PRKCB: variants seen among roughly 807,000 people sequenced by gnomAD.
PRKCB encodes the protein protein kinase C beta, also known as protein kinase C beta type.
Under a neutral mutation model 81.5 loss-of-function variants are expected in PRKCB, and 13 were observed. The ratio of observed to expected loss-of-function variants is 0.16; its 90% CI spans 0.10 to 0.25. PRKCB has a LOEUF of 0.25. Ranked by LOEUF, PRKCB falls within the 10% of genes least tolerant of loss-of-function variation. The pLI is 1.00. For missense variants in PRKCB, 509 were observed against 875.7 expected, an observed-to-expected ratio of 0.58 and a Z score of 5.29; for synonymous variants, 335 against 321.4, an observed-to-expected ratio of 1.04 and a Z score of -0.45.
In PRKCB at chr16:24,035,523, G is replaced by C. The variant is rs1402100403; in HGVS notation, c.505G>C (p.Asp169His). The stretch of plus-strand genomic sequence containing the variant: ...CCGCATCTACATCCAGGCCCACATC[G>C]ACAGGGACGTCCTCATTGTCCTCGG... ...RGRIYIQAHI[D>H]RDVLIVLVRD... Residue 169 changes from aspartate (D) to histidine (H), a missense_variant, in exon 5 of 17, where the codon GAC (aspartate) becomes CAC (histidine). By Grantham distance (81) the Asp-to-His change is moderately conservative. Coordinates refer to ENST00000643927, the MANE Select transcript of PRKCB (RefSeq NM_002738.7). 1 of 1,613,594 alleles carries C rather than the reference G, an allele frequency of 6.2e-7. No individual in the cohort carries two copies. Among genetic ancestry groups the C allele is most frequent in the Non-Finnish European group, 8.5e-7 (1 of 1,179,882 alleles).
chr16:24,135,275 C>T (rs537209085), intron 9 of PRKCB, among the ~76,000 whole-genome samples: 5 of 149,050 alleles, frequency 3.4e-5, no homozygotes, highest in Admixed American at 1.3e-4. Context: ...CATGAGAGAG[C>T]ATTCCAGAGT....
chr16:24,140,970 T>C (rs1966893331), intron 9 of PRKCB, among the ~76,000 whole-genome samples: 2 of 152,208 alleles, frequency 1.3e-5, no homozygotes, highest in Admixed American at 1.3e-4. Flanking sequence ...AGTTTGGAAG[T>C]CAAAAGCAAG....
chr16:24,021,018 TTCTTTCTTTC>T (rs1965362308), intron 3 of PRKCB, among the ~76,000 whole-genome samples: 5 of 134,534 alleles, frequency 3.7e-5, no homozygotes, highest in Admixed American at 1.5e-4. Context: ...CTTTCTTTCT[TTCTTTCTTTC>T]TTTCTTTCTT....
intron 9 of PRKCB, among the ~76,000 whole-genome samples, chr16:24,134,366 C>T (rs181646223): frequency 1.3e-5 from 2 of 152,212 alleles, no homozygotes; most frequent in Admixed American, 1.3e-4. Flanking sequence ...GAGGCCAAGC[C>T]TGGAGGATTG....
chr16:23,985,316 C>T (rs566405855), intron 2 of PRKCB, among the ~76,000 whole-genome samples: 12 of 152,192 alleles, frequency 7.9e-5, no homozygotes, highest in South Asian at 4.2e-4. Flanking sequence ...AGGCTGGTCT[C>T]GAACTTCTGG....
intron 15 of PRKCB, among the ~76,000 whole-genome samples, chr16:24,188,140 A>G (rs1967733341): frequency 6.6e-6 from 1 of 152,152 alleles, no homozygotes; most frequent in Non-Finnish European, 1.5e-5. Flanking sequence ...TCCCTGGTAG[A>G]GCCGTTTTCT....
intron 2 of PRKCB, among the ~76,000 whole-genome samples, chr16:23,894,903 T>A (rs1963352913): frequency 2.0e-5 from 3 of 152,324 alleles, no homozygotes; most frequent in Admixed American, 2.0e-4. Context: ...TTTGACAAGT[T>A]TTTGCTATTT....
intron 2 of PRKCB, among the ~76,000 whole-genome samples, chr16:23,882,022 C>CTTTCTTTCTCTTTCTTTCTTTCT (rs1567301134): frequency 5.2e-5 from 3 of 57,420 alleles, no homozygotes; most frequent in Non-Finnish European, 1.0e-4. Context: ...TTCTTTCTTT[C>CTTTCTTTCTCTTTCTTTCTTTCT]TTCCTTCCTT....
chr16:24,152,583 A>G (rs1342626992), intron 9 of PRKCB, among the ~76,000 whole-genome samples: 1 of 151,984 alleles, frequency 6.6e-6, no homozygotes. Flanking sequence ...CTCCCTGCAC[A>G]TGTCCCGGCC....
chr16:23,837,121 C>G, intron 1 of PRKCB: 1 of 567,244 alleles, frequency 1.8e-6, no homozygotes, highest in Middle Eastern at 4.7e-4. Context: ...CCTACCCCGA[C>G]GGAAACGCTC....
intron 11 of PRKCB, among the ~76,000 whole-genome samples, chr16:24,173,728 C>T (rs929928852): frequency 4.6e-5 from 7 of 152,332 alleles, no homozygotes; most frequent in Admixed American, 6.5e-5. Context: ...TCTTTCTGTG[C>T]TGACCTTCAA....
intron 6 of PRKCB, among the ~76,000 whole-genome samples, chr16:24,093,174 A>C (rs2141900874): frequency 6.6e-6 from 1 of 152,288 alleles, no homozygotes; most frequent in Non-Finnish European, 1.5e-5. Flanking sequence ...AATAGAGATG[A>C]GAATGCCTGT....
At chr16:23,978,579 A>C (rs1418139771) in intron 2 of PRKCB, among the ~76,000 whole-genome samples, 1 of 152,180 alleles carries the variant, frequency 6.6e-6, no homozygotes, top group Non-Finnish European at 1.5e-5. Context: ...GATGTGCACA[A>C]TAGGGAATGT....
At chr16:24,108,170 C>CTT (rs71154279) in intron 7 of PRKCB, among the ~76,000 whole-genome samples, 24 of 142,664 alleles carry the variant, frequency 1.7e-4, no homozygotes, top group East Asian at 4.1e-4. Flanking sequence ...ATTTTTTTTT[C>CTT]TTTTTTTTTT....
chr16:24,079,076 T>A (rs1258952872), intron 5 of PRKCB, among the ~76,000 whole-genome samples: 3 of 152,200 alleles, frequency 2.0e-5, no homozygotes, highest in African/African-American at 7.2e-5. Flanking sequence ...AAAATAGCCT[T>A]AACTAATGAC....
In PRKCB at chr16:24,060,871, G is replaced by T. The variant is rs144846784; in HGVS notation, c.529+25324G>T. Among the ~76,000 whole-genome samples the T allele has an allele frequency of 3.1e-3, 474 of 152,220 alleles. 3 individuals are homozygous for T. Among genetic ancestry groups the T allele is most frequent in the African/African-American group, 0.011 (438 of 41,526 alleles). ...ATTCCTTGCAGGAGTTCCTCCCAAG[G>T]TTATTCCCTGAGAAGCCGCCTGCAT... On this transcript the variant is annotated intron_variant, in intron 5 of 16. Coordinates refer to ENST00000643927, the MANE Select transcript of PRKCB (RefSeq NM_002738.7).
At chr16:23,940,327 T>C (rs1210822697) in intron 2 of PRKCB, among the ~76,000 whole-genome samples, 1 of 152,114 alleles carries the variant, frequency 6.6e-6, no homozygotes, top group Non-Finnish European at 1.5e-5. Flanking sequence ...ACCCAGCAGT[T>C]GCACTCTTGG....
intron 2 of PRKCB, among the ~76,000 whole-genome samples, chr16:23,907,004 G>A (rs906489021): frequency 1.3e-5 from 2 of 152,158 alleles, no homozygotes; most frequent in African/African-American, 4.8e-5. Context: ...TGGGGTGGGG[G>A]AAAGTGAGTG....
At chr16:24,139,657 C>T (rs1268234444) in intron 9 of PRKCB, among the ~76,000 whole-genome samples, 7 of 152,222 alleles carry the variant, frequency 4.6e-5, no homozygotes, top group Non-Finnish European at 1.0e-4. Flanking sequence ...GGCATGGCCT[C>T]ATTTTAAAAG....
Sources: gnomAD v4.1 joint callset for allele counts (sites outside exome capture counted in the v4.1 genomes callset) on GRCh38, gnomAD v4.1.1 for gene constraint, MANE v1.5 for transcripts, NCBI Gene and HGNC (gene_info 2026-07-23, HGNC 2026-07-21) for gene names.